LHFPL3: variants seen among roughly 807,000 people sequenced by gnomAD.
LHFPL3 encodes LHFPL tetraspan subfamily member 3 protein.
In LHFPL3, 5 loss-of-function variants were observed where a neutral mutation model predicts 19.3. The ratio of observed to expected loss-of-function variants is 0.26; its 90% CI spans 0.14 to 0.54. The LOEUF is 0.54. Among genes scored for constraint, LHFPL3 ranks in the 20% least tolerant of loss-of-function variants. The pLI is 0.94. For synonymous variants in LHFPL3, 133 were observed against 126.2 expected, an observed-to-expected ratio of 1.05 and a Z score of -0.36; for missense variants, 249 against 307.4, an observed-to-expected ratio of 0.81 and a Z score of 1.42.
intron 1 of LHFPL3, among the ~76,000 whole-genome samples, chr7:104,474,202 TTCTAGAAGG>T (rs1792963382): frequency 6.6e-6 from 1 of 152,162 alleles, no homozygotes; most frequent in Non-Finnish European, 1.5e-5. Context: ...ATCACCTGTC[TTCTAGAAGG>T]CCCACATATA....
At chr7:104,393,385 G>GT (rs1791117682) in intron 1 of LHFPL3, among the ~76,000 whole-genome samples, 1 of 148,768 alleles carries the variant, frequency 6.7e-6, no homozygotes, top group African/African-American at 2.5e-5. Context: ...TAACCACAAA[G>GT]TAAAAAAAAA....
At chr7:104,512,224 G>A (rs977355373) in intron 1 of LHFPL3, among the ~76,000 whole-genome samples, 2 of 151,700 alleles carry the variant, frequency 1.3e-5, no homozygotes, top group African/African-American at 4.8e-5. Context: ...CAAAGTGCTG[G>A]GATTACAGGC....
chr7:104,659,900 G>A (rs2115981334), intron 1 of LHFPL3, among the ~76,000 whole-genome samples: 1 of 152,188 alleles, frequency 6.6e-6, no homozygotes, highest in East Asian at 1.9e-4. Flanking sequence ...GTGCCTGCTG[G>A]CCCAGTGGCC....
chr7:104,662,244 G>T (rs1406958180), intron 1 of LHFPL3, among the ~76,000 whole-genome samples: 2 of 152,164 alleles, frequency 1.3e-5, no homozygotes, highest in Non-Finnish European at 2.9e-5. Flanking sequence ...GACAAAAACA[G>T]CTTGGGGTTG....
At chr7:104,539,738 T>A (rs1267183452) in intron 1 of LHFPL3, among the ~76,000 whole-genome samples, 1 of 152,238 alleles carries the variant, frequency 6.6e-6, no homozygotes, top group Non-Finnish European at 1.5e-5. Context: ...TAGGTTCTTT[T>A]CATTTAAATT....
At chr7:104,470,774 T>A (rs6970790) in intron 1 of LHFPL3, among the ~76,000 whole-genome samples, 1 of 152,122 alleles carries the variant, frequency 6.6e-6, no homozygotes, top group African/African-American at 2.4e-5. Flanking sequence ...CATGACTACA[T>A]GTAGGAGCCT....
At chr7:104,754,705 A>G (rs185100110) in intron 2 of LHFPL3, among the ~76,000 whole-genome samples, 62 of 152,338 alleles carry the variant, frequency 4.1e-4, no homozygotes, top group African/African-American at 1.3e-3. Flanking sequence ...CAATAGTGGG[A>G]ACAGAAAGCA....
chr7:104,506,510 T>C (rs1366703890), intron 1 of LHFPL3, among the ~76,000 whole-genome samples: 4 of 152,220 alleles, frequency 2.6e-5, no homozygotes, highest in Non-Finnish European at 5.9e-5. Flanking sequence ...GAGGCTGTGT[T>C]ATACTCTCAC....
chr7:104,365,673 C>T (rs1019800122), intron 1 of LHFPL3, among the ~76,000 whole-genome samples: 4 of 146,980 alleles, frequency 2.7e-5, no homozygotes, highest in African/African-American at 1.0e-4. Context: ...CCCAGCTACT[C>T]GGGAGGCTGA....
At position 104,694,024 on chromosome 7, in the gene LHFPL3, G is replaced by A. The variant is rs145811211; in HGVS notation, c.446-42651G>A. ...TACATTTATGTTCTGCATAAACTGG[G>A]TTTGCTAAGCTAGGTCTGCTGACAG... On this transcript the variant is annotated intron_variant, in intron 1 of 2. Coordinates refer to ENST00000424859, the MANE Select transcript of LHFPL3 (RefSeq NM_199000.3). Among the ~76,000 whole-genome samples the A allele has an allele frequency of 3.9e-5, 6 of 152,286 alleles. No homozygotes were observed. The South Asian group carries it at 1.0e-3, about 26-fold the overall frequency.
chr7:104,679,397 C>G (rs748859494), intron 1 of LHFPL3, among the ~76,000 whole-genome samples: 18 of 152,348 alleles, frequency 1.2e-4, no homozygotes, highest in Non-Finnish European at 1.9e-4. Context: ...CCACCTTGTT[C>G]TGTTTATTAG....
At chr7:104,493,630 T>C (rs1386482461) in intron 1 of LHFPL3, among the ~76,000 whole-genome samples, 5 of 152,154 alleles carry the variant, frequency 3.3e-5, no homozygotes, top group Non-Finnish European at 7.4e-5. Context: ...AGGATCAGCA[T>C]TGACTCCTCC....
intron 2 of LHFPL3, among the ~76,000 whole-genome samples, chr7:104,765,801 G>A (rs977035148): frequency 5.3e-5 from 8 of 152,090 alleles, no homozygotes; most frequent in East Asian, 1.9e-4. Flanking sequence ...GGGCATTTCC[G>A]CTCCCCACAG....
rs141988305 is a variant in LHFPL3 at position 104,847,248 on chromosome 7, C to G, written c.683-58939C>G. ...GGCTCTGGAACTTGAGCAGACCCAA[C>G]AGGTGAACAAGGTTACATTCTCTCC... On this transcript the variant is annotated intron_variant, in intron 2 of 2. Transcript: ENST00000424859. Among the ~76,000 whole-genome samples, 9 of 152,318 alleles carry G rather than the reference C, an allele frequency of 5.9e-5. No individual in the cohort carries two copies. In the East Asian group the frequency reaches 1.7e-3, roughly 29 times the overall value.
intron 1 of LHFPL3, among the ~76,000 whole-genome samples, chr7:104,571,318 C>G (rs1562938294): frequency 6.6e-6 from 1 of 151,996 alleles, no homozygotes; most frequent in Non-Finnish European, 1.5e-5. Flanking sequence ...TTCATTAAAC[C>G]AAACTCTTTC....
intron 2 of LHFPL3, among the ~76,000 whole-genome samples, chr7:104,855,200 C>T (rs773426218): frequency 5.9e-5 from 9 of 152,124 alleles, no homozygotes; most frequent in African/African-American, 1.2e-4. Context: ...CGTGAGACAC[C>T]GTGTCATGAT....
At chr7:104,540,069 T>C (rs1383112550) in intron 1 of LHFPL3, among the ~76,000 whole-genome samples, 1 of 152,162 alleles carries the variant, frequency 6.6e-6, no homozygotes, top group African/African-American at 2.4e-5. Flanking sequence ...TTTACTGCCA[T>C]ACTAGGAGTT....
chr7:104,651,043 G>A (rs765162366), intron 1 of LHFPL3, among the ~76,000 whole-genome samples: 1 of 152,140 alleles, frequency 6.6e-6, no homozygotes, highest in Non-Finnish European at 1.5e-5. Context: ...CAGCAGCGGG[G>A]TAAGAGAGCA....
At chr7:104,425,638 G>A (rs1466684984) in intron 1 of LHFPL3, among the ~76,000 whole-genome samples, 2 of 152,174 alleles carry the variant, frequency 1.3e-5, no homozygotes, top group African/African-American at 4.8e-5. Flanking sequence ...TGAATATTCA[G>A]CTTTCCTCTT....
Sources: allele counts gnomAD v4.1 joint callset (sites outside exome capture counted in the v4.1 genomes callset), GRCh38; gene constraint gnomAD v4.1.1; transcripts MANE v1.5; gene names NCBI Gene and HGNC (gene_info 2026-07-23, HGNC 2026-07-21).